Variants in GPC5 observed in about 807,000 individuals in gnomAD.
GPC5 encodes glypican-5.
In GPC5, 47 loss-of-function variants were observed where a neutral mutation model predicts 53.9. The ratio of observed to expected loss-of-function variants is 0.87; its 90% CI spans 0.69 to 1.11. The LOEUF (loss-of-function observed/expected upper bound fraction) is 1.11. GPC5 is among the 50% of genes most tolerant of loss of function. The pLI is 0.00. For missense variants in GPC5, 748 were observed against 713.1 expected (o/e 1.05, Z -0.56); for synonymous variants, 286 against 263.3 (o/e 1.09, Z -0.84).
chr13:91,461,328 C>A (rs1465287564), intron 2 of GPC5, among the ~76,000 whole-genome samples: 7 of 152,056 alleles, frequency 4.6e-5, no homozygotes, highest in Admixed American at 4.6e-4. Context: ...GTAGAACAAA[C>A]ATTGGTCTTT....
chr13:91,423,224 A>G (rs1241414239), intron 1 of GPC5, among the ~76,000 whole-genome samples: 1 of 152,236 alleles, frequency 6.6e-6, no homozygotes, highest in African/African-American at 2.4e-5. Context: ...GGTATAGTGT[A>G]CTGGTTAAGT....
chr13:91,648,228 A>G (rs2034608641), intron 2 of GPC5, among the ~76,000 whole-genome samples: 1 of 152,182 alleles, frequency 6.6e-6, no homozygotes, highest in African/African-American at 2.4e-5. Context: ...AATTGATTTT[A>G]TGTCAGGCAT....
chr13:92,106,791 T>A (rs1320832764), intron 6 of GPC5, among the ~76,000 whole-genome samples: 1 of 152,042 alleles, frequency 6.6e-6, no homozygotes, highest in Non-Finnish European at 1.5e-5. Context: ...GATCTTCTAG[T>A]CTCCAACTCT....
At chr13:92,159,899 G>A (rs2041974684) in intron 7 of GPC5, among the ~76,000 whole-genome samples, 1 of 148,290 alleles carries the variant, frequency 6.7e-6, no homozygotes, top group Non-Finnish European at 1.5e-5. Context: ...ACCGAGCCCG[G>A]TCCCAATGTT....
In GPC5 at chr13:91,673,858, CT is replaced by C. The variant is rs1310607518; in HGVS notation, c.326-19328del. Among the ~76,000 whole-genome samples, 7 of 152,176 alleles carry C rather than the reference CT, an allele frequency of 4.6e-5. No individual in the cohort carries two copies. The East Asian group carries it at 1.4e-3, about 29-fold the overall frequency. On this transcript the variant is annotated intron_variant, in intron 2 of 7. Transcript: ENST00000377067. ...CCTTCCCTCTTCCCTCCTTTCTTTC[CT>C]CTTCTTTTACTCTCGTGATGAGGCC...
chr13:92,506,691 A>G (rs1880381151), intron 7 of GPC5, among the ~76,000 whole-genome samples: 1 of 152,164 alleles, frequency 6.6e-6, no homozygotes, highest in Non-Finnish European at 1.5e-5. Flanking sequence ...CCTGAGGAGA[A>G]CGTAGGAAGC....
At chr13:92,217,187 A>G (rs1394743416) in intron 7 of GPC5, among the ~76,000 whole-genome samples, 1 of 152,128 alleles carries the variant, frequency 6.6e-6, no homozygotes, top group Non-Finnish European at 1.5e-5. Flanking sequence ...TAAATTCCCT[A>G]TACTAGTTTA....
intron 7 of GPC5, among the ~76,000 whole-genome samples, chr13:92,725,099 C>T (rs183563212): frequency 7.9e-5 from 12 of 151,438 alleles, no homozygotes; most frequent in Admixed American, 1.3e-4. Flanking sequence ...TGTTATCTAC[C>T]GTTTTCTCAT....
intron 7 of GPC5, among the ~76,000 whole-genome samples, chr13:92,756,887 G>A (rs1435585225): frequency 4.3e-4 from 65 of 150,858 alleles, no homozygotes; most frequent in South Asian, 8.4e-4. Flanking sequence ...AATCAATATC[G>A]TGAAAATGGC....
At chr13:92,276,629 T>A (rs570088657) in intron 7 of GPC5, among the ~76,000 whole-genome samples, 6 of 152,218 alleles carry the variant, frequency 3.9e-5, no homozygotes, top group African/African-American at 1.4e-4. Flanking sequence ...TTTATTACAT[T>A]GTTATTATTT....
intron 2 of GPC5, among the ~76,000 whole-genome samples, chr13:91,680,016 T>C (rs9583954): frequency 0.026 from 3,932 of 152,222 alleles, 114 homozygotes; most frequent in African/African-American, 0.07. Flanking sequence ...TTTCTTAAAA[T>C]TGAACGAAAT....
At chr13:92,410,663 C>A (rs939899574) in intron 7 of GPC5, among the ~76,000 whole-genome samples, 2 of 152,092 alleles carry the variant, frequency 1.3e-5, no homozygotes, top group African/African-American at 4.8e-5. Flanking sequence ...AAAAGGAGTG[C>A]CAAAATGTTC....
At chr13:91,736,154 G>A (rs1319780342) in intron 4 of GPC5, among the ~76,000 whole-genome samples, 1 of 151,112 alleles carries the variant, frequency 6.6e-6, no homozygotes, top group East Asian at 1.9e-4. Context: ...AAGAAAGAGG[G>A]TGAGGGATGA....
chr13:91,886,322 A>G (rs2039321873), intron 5 of GPC5, among the ~76,000 whole-genome samples: 1 of 151,876 alleles, frequency 6.6e-6, no homozygotes, highest in East Asian at 1.9e-4. Context: ...TGATTCAATT[A>G]CCCTCCCACT....
At chr13:92,674,132 G>A (rs1886850558) in intron 7 of GPC5, among the ~76,000 whole-genome samples, 1 of 152,134 alleles carries the variant, frequency 6.6e-6, no homozygotes, top group Non-Finnish European at 1.5e-5. Flanking sequence ...TTTTGTGCAT[G>A]GATAATGGCT....
chr13:91,843,269 C>T (rs1312873772), intron 5 of GPC5, among the ~76,000 whole-genome samples: 3 of 152,242 alleles, frequency 2.0e-5, no homozygotes, highest in East Asian at 3.9e-4. Context: ...AAATATTAAA[C>T]TTTCATAATG....
chr13:91,704,780 G>T (rs1407161820), intron 3 of GPC5, among the ~76,000 whole-genome samples: 1 of 152,190 alleles, frequency 6.6e-6, no homozygotes, highest in Non-Finnish European at 1.5e-5. Context: ...GATAGCCAGG[G>T]CCTCTGGCTA....
chr13:92,004,443 CA>C lies in GPC5; in HGVS notation c.1401+96400del, dbSNP rs1172434127. 4.0e-3 allele frequency among the ~76,000 whole-genome samples: 186 copies of C among 46,990 alleles called. 6 individuals carry two copies. The highest frequency in any genetic ancestry group is 9.9e-3 in the East Asian group (20 of 2,012). 30.8% of individuals were successfully genotyped at this position (46,990 alleles called of 152,430 possible). Reference sequence around the variant, plus strand: ...CTGGAGACAGAGTGAGACTCCGTCTCAAAAAAAAAAAAAATTATATATATAT... The same window carrying C: ...CTGGAGACAGAGTGAGACTCCGTCTCAAAAAAAAAAAAATTATATATATAT... On this transcript the variant is annotated intron_variant, in intron 6 of 7. Transcript: ENST00000377067.
chr13:91,551,491 A>G (rs956562386), intron 2 of GPC5, among the ~76,000 whole-genome samples: 1 of 152,170 alleles, frequency 6.6e-6, no homozygotes, highest in Non-Finnish European at 1.5e-5. Flanking sequence ...TCAAAGTGAC[A>G]ATATATGTGC....
Sources: allele counts gnomAD v4.1 joint callset (sites outside exome capture counted in the v4.1 genomes callset), GRCh38; gene constraint gnomAD v4.1.1; transcripts MANE v1.5; gene names NCBI Gene and HGNC (gene_info 2026-07-23, HGNC 2026-07-21).